Variants in VPS13B observed in about 807,000 individuals in gnomAD.
VPS13B encodes intermembrane lipid transfer protein VPS13B.
VPS13B carries 285 observed loss-of-function variants against 426.4 expected under a neutral mutation model. The ratio of observed to expected loss-of-function variants is 0.67; its 90% CI spans 0.61 to 0.74. VPS13B has a LOEUF of 0.74. VPS13B is among the 30% of genes least tolerant of loss of function. The pLI is 0.00. For synonymous variants in VPS13B, 1,676 were observed against 1,676.4 expected (o/e 1.00, Z 0.01); for missense variants, 4,537 against 4,782.6 (o/e 0.95, Z 1.51).
At chr8:99,831,079 T>TTTTTTTTTTTTC (rs1358282094) in intron 51 of VPS13B, among the ~76,000 whole-genome samples, 1 of 144,678 alleles carries the variant, frequency 6.9e-6, no homozygotes, top group East Asian at 2.0e-4. Context: ...TTTTTTTCTT[T>TTTTTTTTTTTTC]TTTTTTTTTT....
chr8:99,089,581 G>T (rs1360841314), intron 3 of VPS13B, among the ~76,000 whole-genome samples: 1 of 152,196 alleles, frequency 6.6e-6, no homozygotes. Context: ...GCAGTTGGTT[G>T]AAAGAATTTA....
At chr8:99,800,481 G>A (rs952777529) in intron 43 of VPS13B, among the ~76,000 whole-genome samples, 2 of 151,958 alleles carry the variant, frequency 1.3e-5, no homozygotes, top group African/African-American at 4.8e-5. Flanking sequence ...TTTCATGATT[G>A]AAATGGTCAA....
intron 33 of VPS13B, among the ~76,000 whole-genome samples, chr8:99,587,453 T>G (rs574073318): frequency 2.0e-5 from 3 of 151,826 alleles, no homozygotes; most frequent in African/African-American, 7.3e-5. Flanking sequence ...TGTAAAAGTG[T>G]TCCTATTTCT....
intron 5 of VPS13B, among the ~76,000 whole-genome samples, chr8:99,107,546 A>G (rs988865925): frequency 5.3e-5 from 8 of 151,974 alleles, no homozygotes; most frequent in Admixed American, 4.6e-4. Flanking sequence ...TTATTTCAGT[A>G]TAAAGGTCTT....
chr8:99,475,138 T>C (rs1237413267), intron 24 of VPS13B, among the ~76,000 whole-genome samples: 11 of 152,180 alleles, frequency 7.2e-5, no homozygotes, highest in Admixed American at 7.2e-4. Context: ...AATGTTAAAA[T>C]ATGCAGATTA....
At position 99,070,500 on chromosome 8, in the gene VPS13B, TA is replaced by T. The variant is rs1173944099; in HGVS notation, c.292-25811del. Among the ~76,000 whole-genome samples the T allele has an allele frequency of 2.6e-5, 4 of 152,232 alleles. No individual in the cohort carries two copies. In the East Asian group the frequency reaches 7.7e-4, roughly 29 times the overall value. On this transcript the variant is annotated intron_variant, in intron 3 of 61. Transcript: ENST00000357162. ...GCTTGAGATTAAGTATTTGACTGCT[TA>T]TGGCTGCCATGAAAGTAATGCTTGT...
intron 25 of VPS13B, among the ~76,000 whole-genome samples, chr8:99,491,180 G>T (rs1820587043): frequency 6.6e-6 from 1 of 152,174 alleles, no homozygotes; most frequent in Non-Finnish European, 1.5e-5. Context: ...TCATTCACGA[G>T]CAGGTTGTTC....
At chr8:99,478,449 T>G (rs1819835883) in intron 24 of VPS13B, among the ~76,000 whole-genome samples, 9 of 11,112 alleles carry the variant, frequency 8.1e-4, no homozygotes, top group African/African-American at 2.9e-3. Context: ...TTTGTTTTGT[T>G]TTTTTTTTTT....
intron 24 of VPS13B, among the ~76,000 whole-genome samples, chr8:99,474,573 A>C (rs1353493068): frequency 6.6e-6 from 1 of 152,216 alleles, no homozygotes; most frequent in African/African-American, 2.4e-5. Context: ...TTGAGCAGAT[A>C]CTTCACAAAA....
chr8:99,297,972 A>G (rs1220061423), intron 19 of VPS13B, among the ~76,000 whole-genome samples: 1 of 152,208 alleles, frequency 6.6e-6, no homozygotes, highest in Non-Finnish European at 1.5e-5. Flanking sequence ...TTTTTTACCA[A>G]TAGAAAGAAG....
At chr8:99,179,928 T>G (rs1282989986) in intron 16 of VPS13B, among the ~76,000 whole-genome samples, 1 of 152,200 alleles carries the variant, frequency 6.6e-6, no homozygotes, top group Non-Finnish European at 1.5e-5. Context: ...CATGCAAAAC[T>G]TACTCTTGGC....
chr8:99,805,145 T>C (rs1204225930), intron 43 of VPS13B, among the ~76,000 whole-genome samples: 6 of 151,376 alleles, frequency 4.0e-5, no homozygotes, highest in Admixed American at 1.3e-4. Context: ...ATTTCTACAA[T>C]GAATACAATG....
rs1588075253 is a variant in VPS13B, at chr8:99,134,884, A to G, written c.1303-131A>G. ...ACTATCTCATGGATAGTATAAATAA[A>G]TAGTATAGAATAAATTTAAAAATGA... On this transcript the variant is annotated intron_variant, in intron 9 of 61. Coordinates refer to ENST00000357162, the MANE Select transcript of VPS13B (RefSeq NM_152564.5). 8.1e-6 allele frequency: 10 copies of G among 1,233,320 alleles called. No individual in the cohort carries two copies. The East Asian group carries it at 1.8e-4, about 22-fold the overall frequency. 76.4% of individuals were successfully genotyped at this position (1,233,320 alleles called of 1,614,324 possible).
At chr8:99,130,500 G>A (rs1809725945) in intron 8 of VPS13B, among the ~76,000 whole-genome samples, 1 of 150,116 alleles carries the variant, frequency 6.7e-6, no homozygotes, top group African/African-American at 2.5e-5. Context: ...CCATTCTCCT[G>A]CCTCAGCCTC....
At chr8:99,128,545 T>G (rs963715328) in intron 8 of VPS13B, among the ~76,000 whole-genome samples, 1 of 152,050 alleles carries the variant, frequency 6.6e-6, no homozygotes, top group Non-Finnish European at 1.5e-5. Context: ...TTCATCTGCT[T>G]TTCAGTTTAC....
At chr8:99,304,083 G>A (rs989980216) in intron 19 of VPS13B, among the ~76,000 whole-genome samples, 2 of 152,074 alleles carry the variant, frequency 1.3e-5, no homozygotes, top group African/African-American at 4.8e-5. Flanking sequence ...GTGATCATGG[G>A]CTAGTTTGAA....
chr8:99,231,033 A>C (rs1816295380), intron 17 of VPS13B, among the ~76,000 whole-genome samples: 1 of 152,206 alleles, frequency 6.6e-6, no homozygotes, highest in Non-Finnish European at 1.5e-5. Flanking sequence ...TTCAGTGTTT[A>C]TTTTTAATTA....
At chr8:99,396,321 G>A (rs1315772075) in intron 21 of VPS13B, among the ~76,000 whole-genome samples, 1 of 152,060 alleles carries the variant, frequency 6.6e-6, no homozygotes, top group Non-Finnish European at 1.5e-5. Flanking sequence ...GAGTCACAAA[G>A]AGGTCAAGCA....
chr8:99,634,709 G>A lies in VPS13B; in HGVS notation c.5221-7102G>A, dbSNP rs146032802. Among the ~76,000 whole-genome samples, 1,330 of 152,012 alleles carry A rather than the reference G, an allele frequency of 8.7e-3. 14 individuals carry two copies. The highest frequency in any genetic ancestry group is 0.014 in the Non-Finnish European group (938 of 67,862). On this transcript the variant is annotated intron_variant, in intron 33 of 61. Coordinates refer to ENST00000357162, the MANE Select transcript of VPS13B (RefSeq NM_152564.5). ...TAGTAAGGTAGTGCATACAGTGCTT[G>A]TTCAAGTTTGTTTATTTTTTTCATT...
Sources: gnomAD v4.1 joint callset for allele counts (sites outside exome capture counted in the v4.1 genomes callset) on GRCh38, gnomAD v4.1.1 for gene constraint, MANE v1.5 for transcripts, NCBI Gene and HGNC (gene_info 2026-07-23, HGNC 2026-07-21) for gene names.